CD2AP: variants seen among roughly 807,000 people sequenced by gnomAD.
The protein encoded by CD2AP is CD2 associated protein.
CD2AP carries 46 observed loss-of-function variants against 85.1 expected under a neutral mutation model. The ratio of observed to expected loss-of-function variants is 0.54; its 90% CI spans 0.43 to 0.69. The LOEUF (loss-of-function observed/expected upper bound fraction) is 0.69, where lower values mean the gene tolerates loss of function less well. Among genes scored for constraint, CD2AP ranks in the 30% least tolerant of loss-of-function variants. The pLI is 0.00. For missense variants in CD2AP, 769 were observed against 729.5 expected (o/e 1.05, Z -0.62); for synonymous variants, 255 against 252.9 (o/e 1.01, Z -0.08).
chr6:47,610,478 A>G (rs996627301), intron 16 of CD2AP, among the ~76,000 whole-genome samples: 1 of 152,148 alleles, frequency 6.6e-6, no homozygotes, highest in Non-Finnish European at 1.5e-5. Flanking sequence ...GCCAGAGGCC[A>G]TGTTCCCTCT....
At chr6:47,621,649 T>C (rs150441663) in intron 17 of CD2AP, among the ~76,000 whole-genome samples, 1 of 152,340 alleles carries the variant, frequency 6.6e-6, no homozygotes, top group East Asian at 1.9e-4. Context: ...TCTGGTAGAA[T>C]TCTGCTGTGA....
At chr6:47,567,489 CT>C (rs1270300244) in intron 5 of CD2AP, among the ~76,000 whole-genome samples, 1 of 151,860 alleles carries the variant, frequency 6.6e-6, no homozygotes, top group African/African-American at 2.4e-5. Flanking sequence ...TTGTTTGAAG[CT>C]TTTTTTTCCA....
At chr6:47,588,103 C>G (rs1418327948) in intron 11 of CD2AP, among the ~76,000 whole-genome samples, 1 of 152,146 alleles carries the variant, frequency 6.6e-6, no homozygotes. Flanking sequence ...GGACATCCTT[C>G]TTTCTCTGGA....
rs77964676 is a variant in CD2AP, at chr6:47,516,729, G to T, written c.165+13289G>T. Reference sequence around the variant, plus strand: ...TTTTTTTTCAGTGTGAGTGACAAATGATGTTTTAGTTTGCTTATGAAAAGT... The same window carrying T: ...TTTTTTTTCAGTGTGAGTGACAAATTATGTTTTAGTTTGCTTATGAAAAGT... On this transcript the variant is annotated intron_variant, in intron 2 of 17. Transcript: ENST00000359314. Among the ~76,000 whole-genome samples the T allele has an allele frequency of 7.9e-3, 1,199 of 152,110 alleles. 14 individuals carry two copies. Among genetic ancestry groups the T allele is most frequent in the African/African-American group, 0.027 (1,119 of 41,492 alleles).
intron 9 of CD2AP, chr6:47,579,877 G>A (rs889913269): frequency 5.7e-6 from 1 of 175,204 alleles, no homozygotes; most frequent in African/African-American, 2.4e-5. Flanking sequence ...ATTTTTTTGG[G>A]AGGGCAAGAG....
intron 5 of CD2AP, among the ~76,000 whole-genome samples, chr6:47,567,277 T>A (rs1333704082): frequency 6.6e-6 from 1 of 152,182 alleles, no homozygotes; most frequent in Non-Finnish European, 1.5e-5. Flanking sequence ...TATACTAGCA[T>A]TTCTCATGAA....
chr6:47,613,415 C>G (rs944509494), intron 17 of CD2AP, among the ~76,000 whole-genome samples: 1 of 152,064 alleles, frequency 6.6e-6, no homozygotes, highest in African/African-American at 2.4e-5. Flanking sequence ...GTTAGCAGAC[C>G]TGAAAGTAAC....
intron 1 of CD2AP, among the ~76,000 whole-genome samples, chr6:47,492,185 A>G (rs961863484): frequency 6.6e-5 from 10 of 152,222 alleles, no homozygotes; most frequent in African/African-American, 1.7e-4. Context: ...CTATGACAAA[A>G]TACCTTAGAC....
At chr6:47,558,220 T>TA (rs1386460174) in intron 5 of CD2AP, among the ~76,000 whole-genome samples, 1 of 152,192 alleles carries the variant, frequency 6.6e-6, no homozygotes, top group Non-Finnish European at 1.5e-5. Context: ...CTTAAGGAGA[T>TA]TTTGGGCTGA....
intron 6 of CD2AP, 84 bp downstream of exon 6, chr6:47,574,335 TGTTA>T: frequency 7.7e-7 from 1 of 1,294,474 alleles, no homozygotes; most frequent in East Asian, 2.3e-5. Context: ...TTTGTAACTC[TGTTA>T]GATTTCTTTT....
At chr6:47,564,048 G>C (rs1451616473) in intron 5 of CD2AP, among the ~76,000 whole-genome samples, 2 of 152,142 alleles carry the variant, frequency 1.3e-5, no homozygotes, top group African/African-American at 2.4e-5. Flanking sequence ...ATACCAACTA[G>C]ATGTACTTTC....
chr6:47,523,445 T>A (rs1260763562), intron 2 of CD2AP, among the ~76,000 whole-genome samples: 1 of 152,132 alleles, frequency 6.6e-6, no homozygotes, highest in Non-Finnish European at 1.5e-5. Flanking sequence ...CAGATCTCCA[T>A]TTCCACTTGT....
At chr6:47,507,472 T>C (rs1766202039) in intron 2 of CD2AP, among the ~76,000 whole-genome samples, 1 of 143,374 alleles carries the variant, frequency 7.0e-6, no homozygotes, top group Non-Finnish European at 1.5e-5. Flanking sequence ...TTACGAAATG[T>C]GGGCTGGAAT....
intron 4 of CD2AP, among the ~76,000 whole-genome samples, chr6:47,545,590 AG>A (rs1767343930): frequency 6.6e-6 from 1 of 152,106 alleles, no homozygotes; most frequent in Admixed American, 6.6e-5. Context: ...GGACCTTCAC[AG>A]AGTTCATTTC....
intron 1 of CD2AP, among the ~76,000 whole-genome samples, chr6:47,501,555 G>T (rs1348127092): frequency 1.3e-5 from 2 of 152,032 alleles, no homozygotes; most frequent in Non-Finnish European, 2.9e-5. Context: ...GGAAGGAGGG[G>T]AATGGGCAAT....
chr6:47,565,175 T>A (rs923569237), intron 5 of CD2AP, among the ~76,000 whole-genome samples: 2 of 152,170 alleles, frequency 1.3e-5, no homozygotes, highest in African/African-American at 4.8e-5. Context: ...GCCACCATTA[T>A]GTTTTCTGTA....
chr6:47,536,008 C>A (rs1562021000), intron 3 of CD2AP, among the ~76,000 whole-genome samples: 3 of 152,164 alleles, frequency 2.0e-5, no homozygotes. Context: ...GATGTAAATT[C>A]TTTTCTCTTG....
chr6:47,554,895 A>G, intron 5 of CD2AP, 129 bp downstream of exon 5: 1 of 807,688 alleles, frequency 1.2e-6, no homozygotes, highest in East Asian at 2.8e-5. Flanking sequence ...AGTCTACTTT[A>G]AAAAAGCAAA....
intron 1 of CD2AP, among the ~76,000 whole-genome samples, chr6:47,488,911 GT>G (rs928516305): frequency 3.9e-5 from 6 of 152,046 alleles, no homozygotes; most frequent in Non-Finnish European, 7.4e-5. Flanking sequence ...AATAATTTAG[GT>G]TTTTGTTTTT....
Sources: allele counts gnomAD v4.1 joint callset (sites outside exome capture counted in the v4.1 genomes callset), GRCh38; gene constraint gnomAD v4.1.1; transcripts MANE v1.5; gene names NCBI Gene and HGNC (gene_info 2026-07-23, HGNC 2026-07-21).